LAMC3: variants seen among roughly 807,000 people sequenced by gnomAD.
The protein encoded by LAMC3 is laminin subunit gamma-3.
Under a neutral mutation model 173.8 loss-of-function variants are expected in LAMC3, and 128 were observed. That is an observed-to-expected ratio of 0.74 (90% CI 0.64 to 0.85). The LOEUF (loss-of-function observed/expected upper bound fraction) is 0.85, where lower values mean the gene tolerates loss of function less well. Among genes scored for constraint, LAMC3 ranks in the 40% least tolerant of loss-of-function variants. The pLI is 0.00. For synonymous variants in LAMC3, 897 were observed against 909.1 expected (o/e 0.99, Z 0.24); for missense variants, 2,022 against 2,156.0 (o/e 0.94, Z 1.23).
chr9:131,062,886 A>T (rs1829858448), intron 13 of LAMC3, among the ~76,000 whole-genome samples: 1 of 152,058 alleles, frequency 6.6e-6, no homozygotes, highest in South Asian at 2.1e-4. Flanking sequence ...TTAAAAAAAA[A>T]AAAAAAGGAT....
At chr9:131,038,791 GCTGA>G in intron 4 of LAMC3, 69 bp from the exon 5 acceptor site, 2 of 1,483,752 alleles carry the variant, frequency 1.3e-6, no homozygotes, top group Admixed American at 1.7e-5. Flanking sequence ...GCACAGGGAG[GCTGA>G]CTGACACAGA....
At position 131,026,692 on chromosome 9, in the gene LAMC3, A is replaced by C; in HGVS notation, c.678+103A>C. On this transcript the variant is annotated intron_variant, in intron 2 of 27. Transcript: ENST00000361069. The surrounding 1 kb of genome is among the most constrained non-coding windows in gnomAD (Gnocchi z 4.8). ...GGACACACAGGGTGGGGGACCTGCA[A>C]AACCCCATGGTTTTCTTTTTCTTCT... is the stretch of plus-strand genomic sequence containing the variant. 1 of 1,430,836 alleles carries C rather than the reference A, an allele frequency of 7.0e-7. No individual in the cohort carries two copies. Among genetic ancestry groups the C allele is most frequent in the Non-Finnish European group, 9.1e-7 (1 of 1,095,172 alleles). 88.6% of individuals were successfully genotyped at this position (1,430,836 alleles called of 1,614,324 possible). A position where few individuals can be genotyped will look rare whatever the true frequency, so the allele number is the denominator to read the frequency against.
At position 131,036,238 on chromosome 9, in the gene LAMC3, C is replaced by G; in HGVS notation, c.882C>G (p.His294Gln). ...GCCAGTTGGCCTGCCGGTGCCAGCA[C>G]AACACCACCGGCACAGACTGTGAGC... is the stretch of plus-strand genomic sequence containing the variant. Reference protein sequence around the residue: ...VAGQLACRCQHNTTGTDCERC... With the variant: ...VAGQLACRCQQNTTGTDCERC... Residue 294 changes from histidine (H) to glutamine (Q), a missense_variant, in exon 4 of 28, where the codon CAC becomes CAG. Physicochemically the swap from His to Gln is conservative, Grantham distance 24 (BLOSUM62 0). Coordinates refer to ENST00000361069, the MANE Select transcript of LAMC3 (RefSeq NM_006059.4). 1 of 1,613,140 alleles carries G rather than the reference C, an allele frequency of 6.2e-7. No individual in the cohort carries two copies. Among genetic ancestry groups the G allele is most frequent in the Non-Finnish European group, 8.5e-7 (1 of 1,179,816 alleles).
chr9:131,020,995 A>C (rs938929154), intron 1 of LAMC3, among the ~76,000 whole-genome samples: 1 of 151,954 alleles, frequency 6.6e-6, no homozygotes, highest in East Asian at 1.9e-4. Context: ...TCTTTTAATT[A>C]GTTTTAACCT....
intron 8 of LAMC3, 136 bp from the exon 9 acceptor site, chr9:131,048,884 G>A: frequency 3.3e-6 from 2 of 605,652 alleles, no homozygotes; most frequent in Non-Finnish European, 3.0e-6. Flanking sequence ...ATGCCCCCAA[G>A]CAGATCCGGG....
chr9:131,079,279 A>G lies in LAMC3; in HGVS notation c.3908A>G (p.Gln1303Arg). The G allele has an allele frequency of 6.2e-7, 1 of 1,614,194 alleles. No homozygotes were observed. Among genetic ancestry groups the G allele is most frequent in the South Asian group, 1.1e-5 (1 of 91,084 alleles). The change falls in exon 23 of 28, where the codon CAA (glutamine) becomes CGA (arginine). Residue 1303 changes from glutamine (Q) to arginine (R), a missense_variant. Transcript: ENST00000361069. ...LQTAAQATLR[Q>R]TEPLTKLHQE... ...ACTGCTGCCCAGGCGACGCTACGGC[A>G]AACAGAACCCCTCACAAAGGTCAGC...
intron 2 of LAMC3, among the ~76,000 whole-genome samples, chr9:131,031,123 C>A (rs564453417): frequency 6.6e-6 from 1 of 152,218 alleles, no homozygotes; most frequent in African/African-American, 2.4e-5. Flanking sequence ...GCAGGAGGGC[C>A]GTCGGCCTGA....
At chr9:131,060,645 C>CTAATAA (rs10597678) in intron 12 of LAMC3, among the ~76,000 whole-genome samples, 3 of 150,246 alleles carry the variant, frequency 2.0e-5, no homozygotes, top group Non-Finnish European at 3.0e-5. Context: ...TCTGTCTCAA[C>CTAATAA]TAATAATAAT....
intron 8 of LAMC3, among the ~76,000 whole-genome samples, chr9:131,048,011 G>A (rs749188898): frequency 1.4e-5 from 2 of 148,064 alleles, no homozygotes; most frequent in Non-Finnish European, 3.0e-5. Context: ...CTCCCAGAGC[G>A]CTAGGATTAT....
In LAMC3 at chr9:131,079,554, C is replaced by T. The variant is rs146733478; in HGVS notation, c.3927+256C>T. ...CTAAAAATACAAAAAATTAGCCAGG[C>T]ATGGTGGCATGTGCCTATAGTCCCA... On this transcript the variant is annotated intron_variant, in intron 23 of 27. Transcript: ENST00000361069. Among the ~76,000 whole-genome samples, 8 of 152,260 alleles carry T rather than the reference C, an allele frequency of 5.3e-5. No individual in the cohort carries two copies. In the East Asian group the frequency reaches 1.2e-3, roughly 22 times the overall value.
Position 131,056,443 on chromosome 9 carries a change from T to C in LAMC3, c.1940-486T>C, listed in dbSNP as rs552210325. 5.3e-5 allele frequency among the ~76,000 whole-genome samples: 8 copies of C among 151,828 alleles called. No individual in the cohort carries two copies. In the East Asian group the frequency reaches 1.5e-3, roughly 29 times the overall value. ...CCATAAAATTCTCAGCCATATCTAT[T>C]TCTTCTTGAAAATTGCCTAATCATC... On this transcript the variant is annotated intron_variant, in intron 11 of 27. Transcript: ENST00000361069.
chr9:131,022,968 T>C (rs1833653785), intron 1 of LAMC3, among the ~76,000 whole-genome samples: 1 of 151,996 alleles, frequency 6.6e-6, no homozygotes, highest in African/African-American at 2.4e-5. Context: ...GACAACCACC[T>C]GTCTCCTTCC....
intron 8 of LAMC3, among the ~76,000 whole-genome samples, chr9:131,046,885 C>T (rs1459246370): frequency 6.6e-6 from 1 of 152,038 alleles, no homozygotes; most frequent in Non-Finnish European, 1.5e-5. Context: ...GCTGGGGCGG[C>T]CCCAGACATG....
Position 131,066,862 on chromosome 9 carries a change from G to A in LAMC3, c.2348-98G>A, listed in dbSNP as rs548235726. ...CTCCTGCCCAAGCCCGTGCTGCTCC[G>A]GGGAAGGTGGAGGGACGCTTGCTCT... On this transcript the variant is annotated intron_variant, in intron 13 of 27. Coordinates refer to ENST00000361069, the MANE Select transcript of LAMC3 (RefSeq NM_006059.4). The A allele has an allele frequency of 1.1e-4, 167 of 1,507,864 alleles. No homozygotes were observed. The African/African-American group carries it at 1.6e-3, about 14-fold the overall frequency. The allele number at this position is 1,507,864 out of a possible 1,614,324, so 93.4% of individuals were successfully genotyped here. A position where few individuals can be genotyped will look rare whatever the true frequency, so the allele number is the denominator to read the frequency against.
chr9:131,085,824 A>G, intron 25 of LAMC3, 101 bp downstream of exon 25: 1 of 1,129,102 alleles, frequency 8.9e-7, no homozygotes, highest in Non-Finnish European at 1.3e-6. Flanking sequence ...CTCCGCACTC[A>G]CTCACTGCTC....
chr9:131,026,251 T>A lies in LAMC3; in HGVS notation c.374-34T>A. ...ACCAGGATTCCATACCTCCTTCCCC[T>A]TCCATAAAATGGGCCCCGTTTTCCT... On this transcript the variant is annotated intron_variant, in intron 1 of 27. Transcript: ENST00000361069. This position sits in a 1 kb window ranked among gnomAD's most constrained non-coding sequence, Gnocchi z 4.8. The A allele has an allele frequency of 6.2e-7, 1 of 1,613,450 alleles. No homozygotes were observed. The highest frequency in any genetic ancestry group is 8.5e-7 in the Non-Finnish European group (1 of 1,179,810).
In LAMC3 at chr9:131,061,052, C is replaced by T. The variant is rs1446077047; in HGVS notation, c.2176C>T (p.His726Tyr). The T allele has an allele frequency of 6.2e-7, 1 of 1,614,054 alleles. No individual in the cohort carries two copies. The highest frequency in any genetic ancestry group is 8.5e-7 in the Non-Finnish European group (1 of 1,180,046). The change falls in exon 13 of 28, where the codon CAC becomes TAC. Residue 726 changes from histidine (H) to tyrosine (Y), a missense_variant. Transcript: ENST00000361069. ...DPNTGICVCS[H>Y]HTEGPSCERC... ...CCCCTCAGGGATCTGTGTCTGCAGC[C>T]ACCATACCGAGGGCCCATCCTGTGA...
intron 9 of LAMC3, among the ~76,000 whole-genome samples, chr9:131,050,483 G>A (rs1834261829): frequency 6.6e-6 from 1 of 152,228 alleles, no homozygotes; most frequent in South Asian, 2.1e-4. Context: ...AAGTATTTAG[G>A]CCGAGCGCAA....
At chr9:131,055,226 G>T (rs1475394838) in intron 11 of LAMC3, among the ~76,000 whole-genome samples, 1 of 152,066 alleles carries the variant, frequency 6.6e-6, no homozygotes, top group Non-Finnish European at 1.5e-5. Context: ...CTTCAGAAAG[G>T]CTGCTCTGAT....
Sources: allele counts gnomAD v4.1 joint callset (sites outside exome capture counted in the v4.1 genomes callset), GRCh38; gene constraint gnomAD v4.1.1; non-coding constraint Gnocchi (gnomAD v3.1); transcripts MANE v1.5; gene names NCBI Gene and HGNC (gene_info 2026-07-23, HGNC 2026-07-21).